CAMTA1: variants seen among roughly 807,000 people sequenced by gnomAD.
CAMTA1 encodes calmodulin binding transcription activator 1.
In CAMTA1, 27 loss-of-function variants were observed where a neutral mutation model predicts 170.9. The observed-to-expected ratio is 0.16, with a 90% CI of 0.12 to 0.22. The LOEUF (loss-of-function observed/expected upper bound fraction) is 0.22, where lower values mean the gene tolerates loss of function less well. CAMTA1 is among the 10% of genes least tolerant of loss of function. The probability of loss-of-function intolerance (pLI) is 1.00; values close to 1 mark genes in which losing one functional copy is unlikely to be tolerated. For missense variants in CAMTA1, 1,619 were observed against 2,217.2 expected (o/e 0.73, Z 5.42); for synonymous variants, 833 against 891.5 (o/e 0.93, Z 1.17).
At chr1:7,394,183 C>T (rs1031733293) in intron 5 of CAMTA1, among the ~76,000 whole-genome samples, 8 of 152,118 alleles carry the variant, frequency 5.3e-5, no homozygotes, top group African/African-American at 9.7e-5. Flanking sequence ...ATAATGATTT[C>T]GTTTGCTTTG....
In CAMTA1 at chr1:6,891,796, ATAG is replaced by A. The variant is rs548382408; in HGVS notation, c.234+66590_234+66592del. Among the ~76,000 whole-genome samples, 323 of 152,378 alleles carry A rather than the reference ATAG, an allele frequency of 2.1e-3. 2 individuals carry two copies. The highest frequency in any genetic ancestry group is 3.4e-3 in the Middle Eastern group (1 of 294). On this transcript the variant is annotated intron_variant, in intron 3 of 22. Coordinates refer to ENST00000303635, the MANE Select transcript of CAMTA1 (RefSeq NM_015215.4). ...TGATTAGCATTAGTATATGAAAAAA[ATAG>A]TAGCAGCTCAGATTTTATGTACTTC...
At chr1:7,560,881 G>C (rs2094947462) in intron 6 of CAMTA1, among the ~76,000 whole-genome samples, 1 of 152,138 alleles carries the variant, frequency 6.6e-6, no homozygotes, top group Non-Finnish European at 1.5e-5. Flanking sequence ...GGCAGGGCTG[G>C]AGGTGACAGG....
At chr1:7,558,776 G>C (rs2094917720) in intron 6 of CAMTA1, among the ~76,000 whole-genome samples, 1 of 152,234 alleles carries the variant, frequency 6.6e-6, no homozygotes, top group South Asian at 2.1e-4. Context: ...CGCCTGCCGA[G>C]GCTGTCAGAA....
In CAMTA1 at chr1:7,224,427, CTGG is replaced by C. The variant is rs780348803; in HGVS notation, c.303-25063_303-25061del. Among the ~76,000 whole-genome samples, 31 of 152,324 alleles carry C rather than the reference CTGG, an allele frequency of 2.0e-4. No homozygotes were observed. The highest frequency in any genetic ancestry group is 3.2e-4 in the Non-Finnish European group (22 of 68,032). ...CAAAGGGAAGTGGAAAAACCAGCAG[CTGG>C]CTGAATCTGAGAAGGTTTTCATGTT... On this transcript the variant is annotated intron_variant, in intron 4 of 22. Coordinates refer to ENST00000303635, the MANE Select transcript of CAMTA1 (RefSeq NM_015215.4). This position sits in a 1 kb window ranked among gnomAD's most constrained non-coding sequence, Gnocchi z 5.2.
rs997964246 is a variant in CAMTA1, at chr1:7,426,735, C to T, written c.439-41095C>T. ...GCAGGAGAAATCTGAGATTCAGAGA[C>T]GTGGGAGTTCCGAATGAGATCATTT... On this transcript the variant is annotated intron_variant, in intron 5 of 22. Coordinates refer to ENST00000303635, the MANE Select transcript of CAMTA1 (RefSeq NM_015215.4). The surrounding 1 kb of genome is among the most constrained non-coding windows in gnomAD (Gnocchi z 4.8). 5.3e-5 allele frequency among the ~76,000 whole-genome samples: 8 copies of T among 152,128 alleles called. No individual in the cohort carries two copies. Among genetic ancestry groups the T allele is most frequent in the South Asian group, 2.1e-4 (1 of 4,826 alleles).
chr1:6,911,922 C>T (rs973649660), intron 3 of CAMTA1, among the ~76,000 whole-genome samples: 3 of 152,258 alleles, frequency 2.0e-5, no homozygotes, highest in Admixed American at 2.0e-4. Flanking sequence ...GTGATCTGCA[C>T]AATGCTAGCT....
intron 4 of CAMTA1, among the ~76,000 whole-genome samples, chr1:7,191,219 A>G (rs1287664883): frequency 2.6e-5 from 4 of 152,216 alleles, no homozygotes; most frequent in Admixed American, 6.5e-5. Flanking sequence ...AAATAAAGAG[A>G]ATTACTGGGT....
At chr1:7,053,536 C>T (rs1413148417) in intron 3 of CAMTA1, among the ~76,000 whole-genome samples, 2 of 152,178 alleles carry the variant, frequency 1.3e-5, no homozygotes, top group Non-Finnish European at 2.9e-5. Flanking sequence ...TTCAGGGCCC[C>T]CTTCTCACTC....
intron 4 of CAMTA1, among the ~76,000 whole-genome samples, chr1:7,221,129 G>A (rs188828353): frequency 1.3e-5 from 2 of 152,288 alleles, no homozygotes; most frequent in Non-Finnish European, 2.9e-5. Context: ...GCTGGAGGCA[G>A]TGCAGGAAGG....
rs556970615 is a variant in CAMTA1, at chr1:7,409,194, G to A, written c.439-58636G>A. Among the ~76,000 whole-genome samples the A allele has an allele frequency of 3.3e-5, 5 of 152,340 alleles. No homozygotes were observed. The South Asian group carries it at 1.0e-3, about 32-fold the overall frequency. ...CCACCTACTCAGGGCATGCAGGCTG[G>A]ACTTCCGTCATCTACTAGACAATCC... is the stretch of plus-strand genomic sequence containing the variant. On this transcript the variant is annotated intron_variant, in intron 5 of 22. Transcript: ENST00000303635.
At chr1:7,422,152 G>A (rs2091603940) in intron 5 of CAMTA1, among the ~76,000 whole-genome samples, 1 of 152,100 alleles carries the variant, frequency 6.6e-6, no homozygotes, top group South Asian at 2.1e-4. Context: ...GGCAGATTGG[G>A]CCCTCCCCTG....
chr1:7,501,910 C>A (rs561562403), intron 6 of CAMTA1, among the ~76,000 whole-genome samples: 21 of 152,306 alleles, frequency 1.4e-4, no homozygotes, highest in African/African-American at 5.0e-4. Flanking sequence ...TCTCCCTGAG[C>A]CCCTGAGGCC....
At chr1:7,350,329 C>T (rs533834867) in intron 5 of CAMTA1, among the ~76,000 whole-genome samples, 2 of 152,214 alleles carry the variant, frequency 1.3e-5, no homozygotes, top group Non-Finnish European at 2.9e-5. Context: ...GCAGAGAGTC[C>T]TCCTGCCCCT....
At chr1:7,566,290 C>T (rs1386485946) in intron 6 of CAMTA1, among the ~76,000 whole-genome samples, 2 of 152,174 alleles carry the variant, frequency 1.3e-5, no homozygotes, top group Non-Finnish European at 2.9e-5. Flanking sequence ...GAGCCATCGA[C>T]CCTGTCTCTG....
At chr1:7,693,528 A>G (rs1037596529) in intron 11 of CAMTA1, 2 of 152,256 alleles carry the variant, frequency 1.3e-5, no homozygotes, top group African/African-American at 4.8e-5. Context: ...CTCAGGTTTG[A>G]TCATTCACTG....
chr1:7,318,035 G>T (rs1480131358), intron 5 of CAMTA1, among the ~76,000 whole-genome samples: 2 of 152,330 alleles, frequency 1.3e-5, no homozygotes, highest in East Asian at 3.9e-4. Context: ...GGGCAGGTAT[G>T]TGGAGCTAGC....
intron 3 of CAMTA1, among the ~76,000 whole-genome samples, chr1:6,884,335 C>CACACAA (rs776481131): frequency 0.098 from 13,960 of 143,128 alleles, 800 homozygotes; most frequent in Admixed American, 0.14. Context: ...CACACACACA[C>CACACAA]AATTTTGTTT....
chr1:7,148,229 A>G (rs959982781), intron 4 of CAMTA1, among the ~76,000 whole-genome samples: 5 of 151,616 alleles, frequency 3.3e-5, no homozygotes, highest in Middle Eastern at 6.8e-3. Flanking sequence ...CATCATGCAC[A>G]CACACACCAC....
chr1:7,322,571 G>A (rs1678596800), intron 5 of CAMTA1, among the ~76,000 whole-genome samples: 2 of 152,358 alleles, frequency 1.3e-5, no homozygotes, highest in Non-Finnish European at 2.9e-5. Context: ...CTCAGACACT[G>A]CTGGTGGGGA....
Sources: gnomAD v4.1 joint callset for allele counts (sites outside exome capture counted in the v4.1 genomes callset) on GRCh38, gnomAD v4.1.1 for gene constraint, Gnocchi (gnomAD v3.1) non-coding constraint, MANE v1.5 for transcripts, NCBI Gene and HGNC (gene_info 2026-07-23, HGNC 2026-07-21) for gene names.